Variants in EVI5 observed in about 807,000 individuals in gnomAD.
EVI5 encodes ecotropic viral integration site 5 protein homolog.
A neutral mutation model predicts 112.0 loss-of-function variants in EVI5; 73 were observed. The ratio of observed to expected loss-of-function variants is 0.65; its 90% confidence interval spans 0.54 to 0.79. The LOEUF (loss-of-function observed/expected upper bound fraction) is 0.79. Among genes scored for constraint, EVI5 ranks in the 30% least tolerant of loss-of-function variants. The probability of loss-of-function intolerance (pLI) is 0.00; values close to 1 mark genes in which losing one functional copy is unlikely to be tolerated. For synonymous variants in EVI5, 305 were observed against 319.9 expected, an observed-to-expected ratio of 0.95 and a Z score of 0.50; for missense variants, 900 against 968.8, an observed-to-expected ratio of 0.93 and a Z score of 0.94.
At chr1:92,790,983 A>G (rs1686055513) in intron 1 of EVI5, among the ~76,000 whole-genome samples, 1 of 152,206 alleles carries the variant, frequency 6.6e-6, no homozygotes, top group Admixed American at 6.5e-5. Flanking sequence ...ACAGGTGGAG[A>G]CTAGATCTGC....
At chr1:92,566,070 T>A (rs1221708453) in intron 18 of EVI5, among the ~76,000 whole-genome samples, 1 of 150,620 alleles carries the variant, frequency 6.6e-6, no homozygotes, top group East Asian at 2.0e-4. Flanking sequence ...CCAAATTGTA[T>A]CTCTAACTAC....
chr1:92,561,607 T>TCCTA (rs749503329), intron 19 of EVI5, among the ~76,000 whole-genome samples: 4 of 132,086 alleles, frequency 3.0e-5, no homozygotes, highest in Non-Finnish European at 6.6e-5. Flanking sequence ...ATCTAATCTA[T>TCCTA]CCTATCTATC....
upstream of EVI5, among the ~76,000 whole-genome samples, chr1:92,789,316 T>G (rs1176647115): frequency 6.6e-6 from 1 of 151,820 alleles, no homozygotes; most frequent in Non-Finnish European, 1.5e-5. Context: ...CTCAGCTTCT[T>G]CTTCTTTTTT....
chr1:92,665,990 C>A lies in EVI5; in HGVS notation c.1161G>T (p.Arg387Ser), dbSNP rs1024811257. 1.3e-6 allele frequency: 2 copies of A among 1,591,990 alleles called. No homozygotes were observed. ...KEMEEQVEIK[R>S]LRTENRLLKQ... ...TTAAAAGTCTATTTTCTGTGCGTAA[C>A]CTCTGCCAAGAAAAAAAAAGTTTTA... The change falls in exon 11 of 20, where the codon AGG (arginine) becomes AGT (serine). Residue 387 changes from arginine (R) to serine (S), a missense_variant and splice_region_variant. Transcript: ENST00000684568.
At chr1:92,534,651 G>A (rs926538899) in intron 19 of EVI5, among the ~76,000 whole-genome samples, 1 of 152,084 alleles carries the variant, frequency 6.6e-6, no homozygotes, top group Non-Finnish European at 1.5e-5. Flanking sequence ...TGTGATCTTT[G>A]ACAAACCTGA....
Position 92,695,325 on chromosome 1 carries a change from A to G in EVI5, c.894T>C (p.Asp298=), listed in dbSNP as rs1037618020. Residue 298 remains aspartate, a synonymous_variant, in exon 7 of 20, where the codon GAT becomes GAC. Transcript: ENST00000684568. ...FPLPIATRIF[D]IFMSEGLEIV... Reference sequence around the variant, plus strand: ...ATTAGCTTACCTCAGACATAAAGATATCAAATATCCTTGTTGCAATTGGTA... The same window carrying G: ...ATTAGCTTACCTCAGACATAAAGATGTCAAATATCCTTGTTGCAATTGGTA... The G allele has an allele frequency of 6.2e-7, 1 of 1,611,380 alleles. No homozygotes were observed. The highest frequency in any genetic ancestry group is 1.3e-5 in the African/African-American group (1 of 74,958).
At chr1:92,712,541 T>TA (rs1482188563) in intron 2 of EVI5, among the ~76,000 whole-genome samples, 1 of 152,122 alleles carries the variant, frequency 6.6e-6, no homozygotes, top group Non-Finnish European at 1.5e-5. Flanking sequence ...GAAAAGGTAA[T>TA]ATAATAAATT....
At chr1:92,751,943 G>A (rs1167799560) in intron 1 of EVI5, among the ~76,000 whole-genome samples, 1 of 152,014 alleles carries the variant, frequency 6.6e-6, no homozygotes, top group African/African-American at 2.4e-5. Context: ...TTGAACCCAG[G>A]GGGCGGAGGT....
chr1:92,533,254 G>C (rs1663224640), intron 19 of EVI5, among the ~76,000 whole-genome samples: 1 of 152,058 alleles, frequency 6.6e-6, no homozygotes, highest in Non-Finnish European at 1.5e-5. Context: ...TTGAATCCCT[G>C]AATAGACCAG....
chr1:92,571,108 C>T (rs780400514), intron 18 of EVI5, among the ~76,000 whole-genome samples: 2 of 150,078 alleles, frequency 1.3e-5, no homozygotes, highest in South Asian at 2.2e-4. Flanking sequence ...GGGTTTCTTC[C>T]GCAAAACTTT....
At position 92,780,131 on chromosome 1, in the gene EVI5, C is replaced by G. The variant is rs552245763; in HGVS notation, c.-82+4705G>C. ...TATTGTGATAGTGAGTGAGTTCTCA[C>G]GAGATCTGATGGTTTTACAGGGGGC... On this transcript the variant is annotated intron_variant, in intron 1 of 19. Transcript: ENST00000684568. 7.2e-5 allele frequency among the ~76,000 whole-genome samples: 11 copies of G among 152,292 alleles called. 1 individual carries two copies. The highest frequency in any genetic ancestry group is 2.1e-4 in the South Asian group (1 of 4,824).
intron 9 of EVI5, among the ~76,000 whole-genome samples, chr1:92,688,437 G>T (rs754807283): frequency 6.6e-6 from 1 of 152,142 alleles, no homozygotes; most frequent in Non-Finnish European, 1.5e-5. Context: ...TGCTCTCTCA[G>T]GGGATACTCC....
At chr1:92,779,149 C>T (rs1047796403) in intron 1 of EVI5, among the ~76,000 whole-genome samples, 53 of 152,116 alleles carry the variant, frequency 3.5e-4, no homozygotes, top group African/African-American at 1.2e-3. Flanking sequence ...CCAAGGATTA[C>T]CAGTCTTCCG....
At chr1:92,728,391 T>TTC (rs1210916813) in intron 2 of EVI5, among the ~76,000 whole-genome samples, 3 of 151,630 alleles carry the variant, frequency 2.0e-5, no homozygotes, top group Admixed American at 6.6e-5. Context: ...TTTTTTCTTT[T>TTC]TTTTTTGGAG....
At chr1:92,755,476 T>C (rs1444219865) in intron 1 of EVI5, among the ~76,000 whole-genome samples, 4 of 152,100 alleles carry the variant, frequency 2.6e-5, no homozygotes, top group African/African-American at 4.8e-5. Context: ...TAAAGGAAAT[T>C]AGTATTTTTA....
intron 16 of EVI5, among the ~76,000 whole-genome samples, chr1:92,614,878 A>ATATT (rs1553205630): frequency 1.2e-3 from 3 of 2,562 alleles, no homozygotes; most frequent in Middle Eastern, 0.17. Flanking sequence ...ATATATATAT[A>ATATT]TATATATCTC....
At chr1:92,548,412 G>C (rs1666175341) in intron 19 of EVI5, among the ~76,000 whole-genome samples, 1 of 152,162 alleles carries the variant, frequency 6.6e-6, no homozygotes, top group South Asian at 2.1e-4. Context: ...ACAAAAACTG[G>C]AAGCATTCCC....
intron 19 of EVI5, among the ~76,000 whole-genome samples, chr1:92,551,144 C>T (rs1481106595): frequency 2.8e-5 from 4 of 141,222 alleles, no homozygotes; most frequent in South Asian, 2.3e-4. Context: ...CTGGGTCAAG[C>T]GATCCTCTCA....
At chr1:92,652,098 A>AT (rs1328987407) in intron 13 of EVI5, among the ~76,000 whole-genome samples, 7 of 152,206 alleles carry the variant, frequency 4.6e-5, no homozygotes, top group African/African-American at 1.7e-4. Context: ...AATAACCCAA[A>AT]TGTCCATCAA....
Sources: gnomAD v4.1 joint callset for allele counts (sites outside exome capture counted in the v4.1 genomes callset) on GRCh38, gnomAD v4.1.1 for gene constraint, MANE v1.5 for transcripts, NCBI Gene and HGNC (gene_info 2026-07-23, HGNC 2026-07-21) for gene names.